Variants in TMEM255B observed in about 807,000 individuals in gnomAD.
TMEM255B encodes the protein transmembrane protein 255B, also known as family with sequence similarity 70, member B.
Under a neutral mutation model 34.5 loss-of-function variants are expected in TMEM255B, and 35 were observed. That is an observed-to-expected ratio of 1.01 (90% CI 0.77 to 1.34). TMEM255B has a LOEUF of 1.34. Among genes scored for constraint, TMEM255B ranks in the 40% most tolerant of loss-of-function variants. The pLI is 0.00. For synonymous variants in TMEM255B, 206 were observed against 201.2 expected (o/e 1.02, Z -0.20); for missense variants, 432 against 433.2 (o/e 1.00, Z 0.02).
chr13:113,762,507 G>C (rs949226692), intron 1 of TMEM255B, among the ~76,000 whole-genome samples: 5 of 152,240 alleles, frequency 3.3e-5, no homozygotes, highest in Admixed American at 2.6e-4. Context: ...GTAGCAGATG[G>C]GGGGGAAGTT....
chr13:113,796,492 CT>C (rs1297355671), intron 4 of TMEM255B, among the ~76,000 whole-genome samples: 1 of 147,270 alleles, frequency 6.8e-6, no homozygotes, highest in Non-Finnish European at 1.5e-5. Flanking sequence ...ACCACACACA[CT>C]ACACACACCA....
intron 2 of TMEM255B, among the ~76,000 whole-genome samples, chr13:113,767,566 GC>G (rs1411802115): frequency 3.3e-5 from 5 of 152,218 alleles, no homozygotes; most frequent in Non-Finnish European, 7.3e-5. Flanking sequence ...AATGGCTAAT[GC>G]CCAAGCTATG....
At chr13:113,795,745 A>G (rs1357460557) in intron 4 of TMEM255B, among the ~76,000 whole-genome samples, 1 of 144,800 alleles carries the variant, frequency 6.9e-6, no homozygotes, top group Non-Finnish European at 1.5e-5. Context: ...CACAGAGCAC[A>G]CAGCACACAC....
rs116024128 is a variant in TMEM255B, at chr13:113,788,882, G to A, written c.253-6266G>A. On this transcript the variant is annotated intron_variant, in intron 3 of 8. Transcript: ENST00000375353. ...GACCACTGCACCCGGGGGCCGCGCCGCGCCTCCCTCCCTCCCTCCTGCCCC... is the reference window on the plus strand; with the variant it reads ...GACCACTGCACCCGGGGGCCGCGCCACGCCTCCCTCCCTCCCTCCTGCCCC... Among the ~76,000 whole-genome samples the A allele has an allele frequency of 9.7e-4, 147 of 151,940 alleles. 1 individual carries two copies. Among genetic ancestry groups the A allele is most frequent in the African/African-American group, 3.4e-3 (141 of 41,428 alleles).
At chr13:113,771,037 T>C (rs1175360344) in intron 3 of TMEM255B, among the ~76,000 whole-genome samples, 3 of 152,174 alleles carry the variant, frequency 2.0e-5, no homozygotes, top group African/African-American at 7.2e-5. Context: ...AACTCACCCA[T>C]TTAAAGCACA....
rs191160682 is a variant in TMEM255B at position 113,798,992 on chromosome 13, C to T, written c.343-347C>T. Among the ~76,000 whole-genome samples, 108 of 152,320 alleles carry T rather than the reference C, an allele frequency of 7.1e-4. No homozygotes were observed. The East Asian group carries it at 0.016, about 22-fold the overall frequency. The stretch of plus-strand genomic sequence containing the variant: ...AGAGACAATATTTTCTTTTATGAAA[C>T]GATGCAGGAGCCTAACACCTGTGAT... On this transcript the variant is annotated intron_variant, in intron 4 of 8. Coordinates refer to ENST00000375353, the MANE Select transcript of TMEM255B (RefSeq NM_182614.4).
At chr13:113,793,805 C>T (rs559705683) in intron 3 of TMEM255B, among the ~76,000 whole-genome samples, 20 of 152,328 alleles carry the variant, frequency 1.3e-4, no homozygotes, top group African/African-American at 4.3e-4. Flanking sequence ...CGCCCTGGAC[C>T]GGCTCTGATG....
rs1227804298 is a variant in TMEM255B at position 113,806,672 on chromosome 13, C to T, written c.813+1644C>T. On this transcript the variant is annotated intron_variant, in intron 8 of 8. Coordinates refer to ENST00000375353, the MANE Select transcript of TMEM255B (RefSeq NM_182614.4). This position sits in a 1 kb window ranked among gnomAD's most constrained non-coding sequence, Gnocchi z 4.2. ...GCTTGGTGCCACAGGCAGCTTCATC[C>T]TTCCCCAAGCCTCCTGCCCCTGCCC... Among the ~76,000 whole-genome samples the T allele has an allele frequency of 6.6e-6, 1 of 152,118 alleles. No individual in the cohort carries two copies. The highest frequency in any genetic ancestry group is 1.5e-5 in the Non-Finnish European group (1 of 68,002).
chr13:113,778,834 A>G (rs1367625299), intron 3 of TMEM255B, among the ~76,000 whole-genome samples: 2 of 152,242 alleles, frequency 1.3e-5, no homozygotes, highest in African/African-American at 4.8e-5. Context: ...ACTGACCCAT[A>G]GAGAAACTGA....
chr13:113,774,217 G>A (rs916019689), intron 3 of TMEM255B, among the ~76,000 whole-genome samples: 1 of 152,158 alleles, frequency 6.6e-6, no homozygotes, highest in Non-Finnish European at 1.5e-5. Context: ...CTTAAGGGAT[G>A]AAATCTGATC....
At position 113,814,173 on chromosome 13, in the gene TMEM255B, G is replaced by C. The variant is rs952996254; in HGVS notation, c.*2270G>C. 1 of 152,186 alleles carries C rather than the reference G, an allele frequency of 6.6e-6. No individual in the cohort carries two copies. Among genetic ancestry groups the C allele is most frequent in the Non-Finnish European group, 1.5e-5 (1 of 68,060 alleles). The allele number at this position is 152,186 out of a possible 1,614,324, so 9.4% of individuals were successfully genotyped here. ...GTGCCCCCGAAGCTGCCTGGTGCAG[G>C]CACCAGCACCTCTTGGTGTCCTAGG... On this transcript the variant is annotated 3_prime_UTR_variant, in exon 9 of 9. Transcript: ENST00000375353.
intron 1 of TMEM255B, among the ~76,000 whole-genome samples, chr13:113,764,202 G>A (rs892389993): frequency 3.3e-5 from 5 of 152,230 alleles, no homozygotes; most frequent in Non-Finnish European, 1.5e-5. Flanking sequence ...ACTGGGTGAT[G>A]GATGTGTAGG....
chr13:113,786,145 C>T (rs1346681516), intron 3 of TMEM255B, among the ~76,000 whole-genome samples: 1 of 152,210 alleles, frequency 6.6e-6, no homozygotes, highest in Non-Finnish European at 1.5e-5. Context: ...CCATGGGCCA[C>T]CATCATCACC....
At chr13:113,767,162 A>C (rs1456714877) in intron 2 of TMEM255B, among the ~76,000 whole-genome samples, 1 of 152,248 alleles carries the variant, frequency 6.6e-6, no homozygotes, top group Non-Finnish European at 1.5e-5. Flanking sequence ...ATCAGCAAAG[A>C]TGAAAGATTT....
chr13:113,802,403 T>G (rs2051082437), intron 7 of TMEM255B, among the ~76,000 whole-genome samples: 1 of 152,178 alleles, frequency 6.6e-6, no homozygotes, highest in South Asian at 2.1e-4. Flanking sequence ...TCTCGTGGTG[T>G]GCGGCCAGCA....
chr13:113,776,984 T>G (rs2050590236), intron 3 of TMEM255B, among the ~76,000 whole-genome samples: 2 of 152,112 alleles, frequency 1.3e-5, no homozygotes, highest in Admixed American at 1.3e-4. Context: ...TGTCTGCTTG[T>G]AAAGTGCCCT....
At chr13:113,766,373 C>T in intron 2 of TMEM255B, 116 bp downstream of exon 2, 1 of 1,469,954 alleles carries the variant, frequency 6.8e-7, no homozygotes, top group South Asian at 1.1e-5. Flanking sequence ...AGGCTTCGAT[C>T]AGTGCTTGTG....
At chr13:113,795,652 ACAC>A (rs1297979139) in intron 4 of TMEM255B, among the ~76,000 whole-genome samples, 1 of 146,800 alleles carries the variant, frequency 6.8e-6, no homozygotes, top group Non-Finnish European at 1.5e-5. Context: ...CACAGCACAC[ACAC>A]AACAGAGCAC....
chr13:113,813,669 C>T lies in TMEM255B; in HGVS notation c.*1766C>T, dbSNP rs1429657547. On this transcript the variant is annotated 3_prime_UTR_variant, in exon 9 of 9. Transcript: ENST00000375353. ...TCCTGGGCAGAAGGCCCACAGCGCA[C>T]ATCCACACATGAACGGTGGCTGGCT... 2 of 152,244 alleles carry T rather than the reference C, an allele frequency of 1.3e-5. No homozygotes were observed. Among genetic ancestry groups the T allele is most frequent in the East Asian group, 1.9e-4 (1 of 5,156 alleles). 9.4% of individuals were successfully genotyped at this position (152,244 alleles called of 1,614,324 possible). A position where few individuals can be genotyped will look rare whatever the true frequency, so the allele number is the denominator to read the frequency against.
Sources: allele counts gnomAD v4.1 joint callset (sites outside exome capture counted in the v4.1 genomes callset), GRCh38; gene constraint gnomAD v4.1.1; non-coding constraint Gnocchi (gnomAD v3.1); transcripts MANE v1.5; gene names NCBI Gene and HGNC (gene_info 2026-07-23, HGNC 2026-07-21).